The following DPP10 variants were observed in gnomAD, a reference collection of about 807,000 sequenced individuals.
DPP10 encodes the protein inactive dipeptidyl peptidase 10.
DPP10 carries 33 observed loss-of-function variants against 120.9 expected under a neutral mutation model. That is an observed-to-expected ratio of 0.27 (90% CI 0.21 to 0.37). The LOEUF is 0.37. Among genes scored for constraint, DPP10 ranks in the 10% least tolerant of loss-of-function variants. DPP10 has a pLI of 1.00. For missense variants in DPP10, 816 were observed against 942.8 expected (o/e 0.87, Z 1.76); for synonymous variants, 337 against 326.1 (o/e 1.03, Z -0.36).
chr2:115,553,794 C>A (rs2080027798), intron 5 of DPP10, among the ~76,000 whole-genome samples: 1 of 150,600 alleles, frequency 6.6e-6, no homozygotes, highest in South Asian at 2.1e-4. Flanking sequence ...ATAGATGTTT[C>A]TTTTGGCACT....
chr2:115,244,239 TAGAGAGAGAGAGAGAGAGAG>T (rs67598156), intron 1 of DPP10, among the ~76,000 whole-genome samples: 29 of 93,482 alleles, frequency 3.1e-4, no homozygotes, highest in Admixed American at 2.0e-3. Flanking sequence ...TATATATATA[TAGAGAGAGAGAGAGAGAGAG>T]AGAGAGAGAG....
At chr2:115,222,940 G>A (rs2105430275) in intron 1 of DPP10, among the ~76,000 whole-genome samples, 1 of 152,104 alleles carries the variant, frequency 6.6e-6, no homozygotes, top group Non-Finnish European at 1.5e-5. Context: ...AAGAACAAAG[G>A]TCTTAGGATT....
At chr2:115,740,305 C>A (rs1257302152) in intron 9 of DPP10, among the ~76,000 whole-genome samples, 1 of 151,976 alleles carries the variant, frequency 6.6e-6, no homozygotes, top group Non-Finnish European at 1.5e-5. Context: ...AATCTAGCTT[C>A]TTTCAGATGA....
intron 1 of DPP10, among the ~76,000 whole-genome samples, chr2:114,878,992 A>T (rs79981167): frequency 0.015 from 2,239 of 152,204 alleles, 25 homozygotes; most frequent in Non-Finnish European, 0.024. Flanking sequence ...AAGGTATGGG[A>T]TTTAAGAGAA....
Position 115,052,998 on chromosome 2 carries a change from A to C in DPP10, c.61-256241A>C, listed in dbSNP as rs191559455. Among the ~76,000 whole-genome samples, 421 of 151,750 alleles carry C rather than the reference A, an allele frequency of 2.8e-3. 5 individuals are homozygous for C. Among genetic ancestry groups the C allele is most frequent in the Non-Finnish European group, 3.5e-3 (238 of 67,932 alleles). ...AATATTAAGTGTTGGTGGGCACGTG[A>C]GAGAACTGCACCCCTGATCCATCAT... On this transcript the variant is annotated intron_variant, in intron 1 of 25. Transcript: ENST00000410059.
At chr2:115,742,824 A>T (rs771481904) in intron 9 of DPP10, among the ~76,000 whole-genome samples, 1 of 152,132 alleles carries the variant, frequency 6.6e-6, no homozygotes, top group South Asian at 2.1e-4. Context: ...ATTAAACTAG[A>T]TGAAAATGAG....
Position 115,768,324 on chromosome 2 carries a change from G to T in DPP10, c.1141G>T (p.Gly381Cys), listed in dbSNP as rs750060461. 2 of 1,613,562 alleles carry T rather than the reference G, an allele frequency of 1.2e-6. No individual in the cohort carries two copies. Among genetic ancestry groups the T allele is most frequent in the East Asian group, 2.2e-5 (1 of 44,842 alleles). The stretch of plus-strand genomic sequence containing the variant: ...TGAGGAGCCCGTGTTTTCTAGAGAC[G>T]GCAGCAAATTCTTTATGACAGTGCC... ...QNEEPVFSRD[G>C]SKFFMTVPVK... Residue 381 changes from glycine (G) to cysteine (C), a missense_variant, in exon 13 of 26, where the codon GGC (glycine) becomes TGC (cysteine). Around this residue, in one of 3 missense-constraint regions of DPP10, gnomAD observed 592 missense variants for 649.0 expected, o/e 0.91. Coordinates refer to ENST00000410059, the MANE Select transcript of DPP10 (RefSeq NM_020868.6).
At chr2:115,837,564 T>A (rs1260015637) in intron 24 of DPP10, among the ~76,000 whole-genome samples, 1 of 152,208 alleles carries the variant, frequency 6.6e-6, no homozygotes. Flanking sequence ...TTCCACTGAA[T>A]GATTTGCTTC....
At chr2:115,658,208 A>G (rs11681540) in intron 5 of DPP10, among the ~76,000 whole-genome samples, 134,704 of 152,000 alleles carry the variant, frequency 0.89, 61,694 homozygotes, top group Non-Finnish European at 0.99. Flanking sequence ...TCTGAAAAAG[A>G]GAACTGCAGC....
chr2:114,750,379 G>A (rs141414828), intron 1 of DPP10, among the ~76,000 whole-genome samples: 2,561 of 151,896 alleles, frequency 0.017, 66 homozygotes, highest in African/African-American at 0.058. Flanking sequence ...TGTCGCCCAG[G>A]CTGGAGTGCA....
chr2:115,290,361 A>G (rs1041277726), intron 1 of DPP10, among the ~76,000 whole-genome samples: 1 of 152,108 alleles, frequency 6.6e-6, no homozygotes, highest in Admixed American at 6.6e-5. Flanking sequence ...AGATGGATTA[A>G]TTGACGGGTG....
chr2:115,097,163 G>T (rs1363267518), intron 1 of DPP10, among the ~76,000 whole-genome samples: 1 of 143,374 alleles, frequency 7.0e-6, no homozygotes, highest in Non-Finnish European at 1.5e-5. Flanking sequence ...CCAAGATATT[G>T]TAACAAATAA....
At chr2:114,541,303 GT>G (rs1686933952) in intron 1 of DPP10, among the ~76,000 whole-genome samples, 1 of 152,126 alleles carries the variant, frequency 6.6e-6, no homozygotes, top group African/African-American at 2.4e-5. Flanking sequence ...CCAGTGGTTT[GT>G]ATGAAAGTAG....
chr2:115,445,454 T>A (rs2104911605), intron 3 of DPP10, among the ~76,000 whole-genome samples: 1 of 152,314 alleles, frequency 6.6e-6, no homozygotes, highest in Non-Finnish European at 1.5e-5. Flanking sequence ...GATAGTGATG[T>A]GGACAATGAA....
At chr2:114,953,275 G>T (rs1398827188) in intron 1 of DPP10, among the ~76,000 whole-genome samples, 1 of 151,948 alleles carries the variant, frequency 6.6e-6, no homozygotes, top group Admixed American at 6.6e-5. Flanking sequence ...ATCCCATAAG[G>T]CACTTAGTTA....
intron 7 of DPP10, among the ~76,000 whole-genome samples, chr2:115,699,000 C>T (rs2091741323): frequency 1.1e-5 from 1 of 95,064 alleles, no homozygotes; most frequent in Non-Finnish European, 2.1e-5. Context: ...ACTAAATTGG[C>T]AAACCTTTAG....
intron 1 of DPP10, among the ~76,000 whole-genome samples, chr2:114,505,691 T>C (rs565876593): frequency 6.6e-6 from 1 of 152,174 alleles, no homozygotes; most frequent in Non-Finnish European, 1.5e-5. Flanking sequence ...AGGGACACAG[T>C]TGTGAAGTCA....
At chr2:115,144,438 C>G (rs906592671) in intron 1 of DPP10, 2 of 151,928 alleles carry the variant, frequency 1.3e-5, no homozygotes, top group Admixed American at 1.3e-4. Flanking sequence ...CACAATTATT[C>G]AGGAAATTGT....
intron 5 of DPP10, among the ~76,000 whole-genome samples, chr2:115,582,026 TAAA>T (rs950776300): frequency 1.3e-5 from 2 of 152,120 alleles, no homozygotes; most frequent in Non-Finnish European, 2.9e-5. Flanking sequence ...GTAAGTTTAT[TAAA>T]AAGTTTTAGA....
Sources: allele counts gnomAD v4.1 joint callset (sites outside exome capture counted in the v4.1 genomes callset), GRCh38; gene constraint gnomAD v4.1.1; regional missense constraint gnomAD v4.1.1; transcripts MANE v1.5; gene names NCBI Gene and HGNC (gene_info 2026-07-23, HGNC 2026-07-21).